BTN3A2: variants seen among roughly 807,000 people sequenced by gnomAD.
BTN3A2 encodes the protein butyrophilin protein.
In BTN3A2, 25 loss-of-function variants were observed where a neutral mutation model predicts 37.6. The ratio of observed to expected loss-of-function variants is 0.66; its 90% confidence interval spans 0.48 to 0.93. BTN3A2 has a LOEUF of 0.93. BTN3A2 is among the 40% of genes least tolerant of loss of function. The pLI is 0.00. For synonymous variants in BTN3A2, 122 were observed against 159.4 expected, an observed-to-expected ratio of 0.77 and a Z score of 1.77; for missense variants, 266 against 410.9, an observed-to-expected ratio of 0.65 and a Z score of 3.05.
chr6:26,372,913 C>T lies in BTN3A2; in HGVS notation c.732C>T (p.Ser244=), dbSNP rs368782404. 70 of 1,613,576 alleles carry T rather than the reference C, an allele frequency of 4.3e-5. No individual in the cohort carries two copies. The highest frequency in any genetic ancestry group is 1.2e-4 in the Admixed American group (7 of 60,010). The change falls in exon 6 of 11, where the codon AGC becomes AGT. Residue 244 remains serine (S), a synonymous_variant. Transcript: ENST00000377708. The part of the protein sequence containing the change: ...SISIADPFFR[S]AQPWIAALAG... The stretch of plus-strand genomic sequence containing the variant: ...CCTTCGCAGACCCCTTCTTCAGGAG[C>T]GCCCAGCCCTGGATCGCAGCCCTGG...
intron 1 of BTN3A2, among the ~76,000 whole-genome samples, chr6:26,365,590 T>C (rs1244945467): frequency 6.6e-6 from 1 of 151,780 alleles, no homozygotes; most frequent in Non-Finnish European, 1.5e-5. Context: ...CTGCAAAGTA[T>C]AAGGAACTGC....
At chr6:26,375,596 G>T in intron 10 of BTN3A2, 1 of 1,491,450 alleles carries the variant, frequency 6.7e-7, no homozygotes, top group East Asian at 2.5e-5. Context: ...AGATTCCTGG[G>T]GTCCAGAAGA....
chr6:26,374,047 A>G, intron 8 of BTN3A2: 1 of 395,476 alleles, frequency 2.5e-6, no homozygotes, highest in Non-Finnish European at 4.5e-6. Context: ...CCAGGTACAC[A>G]TTCAAAACAG....
intron 1 of BTN3A2, among the ~76,000 whole-genome samples, chr6:26,365,750 TATTCTGAGAA>T (rs1762007187): frequency 6.6e-6 from 1 of 152,148 alleles, no homozygotes; most frequent in Non-Finnish European, 1.5e-5. Context: ...TCAAGGCATC[TATTCTGAGAA>T]ATTCTGAAGA....
At chr6:26,372,199 A>G (rs9379863) in intron 5 of BTN3A2, among the ~76,000 whole-genome samples, 11,614 of 152,276 alleles carry the variant, frequency 0.076, 558 homozygotes, top group Non-Finnish European at 0.11. Flanking sequence ...TTTAGTTTAA[A>G]CAAGAGGAAA....
chr6:26,375,677 G>A, intron 10 of BTN3A2, 120 bp from the exon 11 acceptor site: 1 of 1,519,570 alleles, frequency 6.6e-7, no homozygotes, highest in Non-Finnish European at 8.8e-7. Context: ...CCAGCACAGA[G>A]ACGGCCTTGC....
intron 1 of BTN3A2, among the ~76,000 whole-genome samples, chr6:26,366,808 G>A (rs1032827828): frequency 6.6e-6 from 1 of 152,172 alleles, no homozygotes; most frequent in African/African-American, 2.4e-5. Flanking sequence ...CTGGTATGAT[G>A]GCTGCAGGCC....
rs914735620 is a variant in BTN3A2 at position 26,375,917 on chromosome 6, A to C, written c.*155A>C. The C allele has an allele frequency of 4.0e-6, 6 of 1,488,722 alleles. No homozygotes were observed. The African/African-American group carries it at 8.4e-5, about 21-fold the overall frequency. 92.2% of individuals were successfully genotyped at this position (1,488,722 alleles called of 1,614,324 possible). ...GTGGTCGAGTGAAGATTGAAAATTA[A>C]CCTCTGAGGGCCAGCACAGCAGCTC... On this transcript the variant is annotated 3_prime_UTR_variant, in exon 11 of 11. Coordinates refer to ENST00000377708, the MANE Select transcript of BTN3A2 (RefSeq NM_007047.5).
chr6:26,365,483 T>C, intron 1 of BTN3A2, 131 bp downstream of exon 1: 1 of 574,540 alleles, frequency 1.7e-6, no homozygotes, highest in Non-Finnish European at 2.9e-6. Context: ...CCTGTGTGTG[T>C]GTGTGTGTGT....
At position 26,376,859 on chromosome 6, in the gene BTN3A2, C is replaced by A; in HGVS notation, c.*1097C>A. On this transcript the variant is annotated 3_prime_UTR_variant, in exon 11 of 11. Coordinates refer to ENST00000377708, the MANE Select transcript of BTN3A2 (RefSeq NM_007047.5). ...CGGAGAACGGATACTGGACTATGGG[C>A]CTGACTGATGGGAATAAGTATCGGG... 1 of 1,613,930 alleles carries A rather than the reference C, an allele frequency of 6.2e-7. No homozygotes were observed. The highest frequency in any genetic ancestry group is 1.3e-5 in the African/African-American group (1 of 75,006).
intron 9 of BTN3A2, 128 bp downstream of exon 9, chr6:26,374,501 C>T (rs979734903): frequency 8.3e-6 from 9 of 1,080,308 alleles, no homozygotes; most frequent in East Asian, 2.5e-5. Context: ...GGTTCACCTC[C>T]GCTTTTCTGG....
At chr6:26,372,415 T>C (rs1760206252) in intron 5 of BTN3A2, among the ~76,000 whole-genome samples, 1 of 152,236 alleles carries the variant, frequency 6.6e-6, no homozygotes, top group South Asian at 2.1e-4. Context: ...AGAGAGGTTA[T>C]GTAAGTAGTC....
In BTN3A2 at chr6:26,376,378, C is replaced by T. The variant is rs1760716447; in HGVS notation, c.*616C>T. The stretch of plus-strand genomic sequence containing the variant: ...TTGGGTTAGGCAGATACTGACCTTA[C>T]TTTCATTTCCCCTCTGGTCACTAGA... On this transcript the variant is annotated 3_prime_UTR_variant, in exon 11 of 11. Coordinates refer to ENST00000377708, the MANE Select transcript of BTN3A2 (RefSeq NM_007047.5). 5.5e-6 allele frequency: 2 copies of T among 365,132 alleles called. No homozygotes were observed. The highest frequency in any genetic ancestry group is 6.9e-5 in the East Asian group (1 of 14,470). The allele number at this position is 365,132 out of a possible 1,614,324, so 22.6% of individuals were successfully genotyped here.
intron 5 of BTN3A2, 24 bp from the exon 6 acceptor site, chr6:26,372,873 G>A: frequency 6.2e-7 from 1 of 1,612,346 alleles, no homozygotes. Context: ...CAGCGCCCAT[G>A]ACCTACAGCT....
At chr6:26,372,357 T>C (rs1760199253) in intron 5 of BTN3A2, among the ~76,000 whole-genome samples, 1 of 152,162 alleles carries the variant, frequency 6.6e-6, no homozygotes, top group Non-Finnish European at 1.5e-5. Context: ...AGGAAATAGG[T>C]ATTATCATTA....
chr6:26,375,604 A>G, intron 10 of BTN3A2, 193 bp from the exon 11 acceptor site: 1 of 1,494,464 alleles, frequency 6.7e-7, no homozygotes, highest in Non-Finnish European at 8.9e-7. Flanking sequence ...GGGGTCCAGA[A>G]GAGGGTGGAG....
intron 1 of BTN3A2, among the ~76,000 whole-genome samples, chr6:26,366,566 A>C (rs1449404350): frequency 1.1e-4 from 16 of 152,234 alleles, no homozygotes; most frequent in Admixed American, 6.5e-5. Context: ...ACAGCAGAGA[A>C]ATTTTTAGCT....
intron 4 of BTN3A2, among the ~76,000 whole-genome samples, chr6:26,369,327 C>A (rs1759860222): frequency 6.6e-6 from 1 of 152,218 alleles, no homozygotes; most frequent in South Asian, 2.1e-4. Context: ...TGTTCTCCAA[C>A]TAGCCATCCC....
chr6:26,377,674 C>T lies in BTN3A2; in HGVS notation c.*1912C>T, dbSNP rs1760788911. On this transcript the variant is annotated 3_prime_UTR_variant, in exon 11 of 11. Coordinates refer to ENST00000377708, the MANE Select transcript of BTN3A2 (RefSeq NM_007047.5). The stretch of plus-strand genomic sequence containing the variant: ...CAGCTTCAGTCCCTGGCCAATTGCC[C>T]GTTCTTTTCCAGCCTGATTTTTCCT... The T allele has an allele frequency of 5.7e-6, 1 of 173,926 alleles. No homozygotes were observed. Among genetic ancestry groups the T allele is most frequent in the Non-Finnish European group, 1.2e-5 (1 of 80,228 alleles). 10.8% of individuals were successfully genotyped at this position (173,926 alleles called of 1,614,324 possible).
Sources: allele counts gnomAD v4.1 joint callset (sites outside exome capture counted in the v4.1 genomes callset), GRCh38; gene constraint gnomAD v4.1.1; transcripts MANE v1.5; gene names NCBI Gene and HGNC (gene_info 2026-07-23, HGNC 2026-07-21).